Variants in TSNARE1 observed in about 807,000 individuals in gnomAD.
TSNARE1 encodes the protein t-SNARE domain-containing protein 1.
Under a neutral mutation model 62.0 loss-of-function variants are expected in TSNARE1, and 49 were observed. The ratio of observed to expected loss-of-function variants is 0.79; its 90% CI spans 0.63 to 1.00. The LOEUF (loss-of-function observed/expected upper bound fraction) is 1.00, where lower values mean the gene tolerates loss of function less well. TSNARE1 is among the 50% of genes least tolerant of loss of function. The pLI, the probability that TSNARE1 is intolerant of heterozygous loss-of-function variation, is 0.00. For missense variants in TSNARE1, 755 were observed against 700.1 expected (o/e 1.08, Z -0.88); for synonymous variants, 328 against 294.4 (o/e 1.11, Z -1.17).
At chr8:142,317,777 G>A (rs1181467184) in intron 7 of TSNARE1, among the ~76,000 whole-genome samples, 12 of 152,088 alleles carry the variant, frequency 7.9e-5, no homozygotes, top group Admixed American at 5.9e-4. Flanking sequence ...GAGCAACATG[G>A]TGAAACCCCA....
intron 12 of TSNARE1, among the ~76,000 whole-genome samples, chr8:142,260,500 G>A (rs1818805369): frequency 6.6e-6 from 1 of 152,166 alleles, no homozygotes; most frequent in Non-Finnish European, 1.5e-5. Context: ...GGCTGGGTGG[G>A]TTATCAGCTA....
rs1563797287 is a variant in TSNARE1, at chr8:142,271,603, G to A, written c.1446+3178C>T. 4.2e-6 allele frequency: 6 copies of A among 1,434,042 alleles called. No homozygotes were observed. The South Asian group carries it at 7.3e-5, about 17-fold the overall frequency. The allele number at this position is 1,434,042 out of a possible 1,614,324, so 88.8% of individuals were successfully genotyped here. A position where few individuals can be genotyped will look rare whatever the true frequency, so the allele number is the denominator to read the frequency against. ...TGGGTGCGTGGAAGACTCCTCGTAA[G>A]TCCAGGGGGTCAGGTTCAGGCAGGC... On this transcript the variant is annotated intron_variant, in intron 12 of 13. Transcript: ENST00000524325.
chr8:142,338,490 T>C (rs1447229039), intron 4 of TSNARE1, among the ~76,000 whole-genome samples: 7 of 150,244 alleles, frequency 4.7e-5, no homozygotes. Context: ...CCTGGACCAC[T>C]GGGCAAGCTG....
chr8:142,326,954 A>G (rs1563920313), intron 6 of TSNARE1, among the ~76,000 whole-genome samples: 1 of 152,336 alleles, frequency 6.6e-6, no homozygotes, highest in Non-Finnish European at 1.5e-5. Flanking sequence ...CACATCCAAA[A>G]GACATATAAC....
At chr8:142,281,676 A>G (rs10086550) in intron 11 of TSNARE1, among the ~76,000 whole-genome samples, 36,997 of 151,844 alleles carry the variant, frequency 0.24, 5,105 homozygotes, top group African/African-American at 0.37. Flanking sequence ...TCTCTAGGGA[A>G]GCCAAGGGCA....
intron 5 of TSNARE1, 71 bp from the exon 6 acceptor site, chr8:142,331,041 G>T: frequency 1.4e-6 from 2 of 1,427,306 alleles, no homozygotes; most frequent in Non-Finnish European, 9.8e-7. Flanking sequence ...CATATGGGTG[G>T]CCCCACTGCA....
At chr8:142,297,601 C>G (rs1316038219) in intron 10 of TSNARE1, among the ~76,000 whole-genome samples, 1 of 152,190 alleles carries the variant, frequency 6.6e-6, no homozygotes, top group African/African-American at 2.4e-5. Flanking sequence ...TACAGCCAGC[C>G]GAGGTGCGTA....
chr8:142,309,840 G>T (rs1827288405), intron 9 of TSNARE1, among the ~76,000 whole-genome samples: 1 of 152,040 alleles, frequency 6.6e-6, no homozygotes, highest in African/African-American at 2.4e-5. Context: ...GCTCAAATAT[G>T]GGACTGAATT....
intron 1 of TSNARE1, among the ~76,000 whole-genome samples, chr8:142,356,840 G>A (rs907980058): frequency 6.6e-6 from 1 of 152,056 alleles, no homozygotes; most frequent in Non-Finnish European, 1.5e-5. Flanking sequence ...TTTCAGGCTC[G>A]GGCAGTCTGG....
Position 142,330,910 on chromosome 8 carries a change from C to G in TSNARE1, c.884G>C (p.Arg295Pro). 1 of 1,614,104 alleles carries G rather than the reference C, an allele frequency of 6.2e-7. No homozygotes were observed. The highest frequency in any genetic ancestry group is 1.3e-5 in the African/African-American group (1 of 75,078). The change falls in exon 6 of 14, where the codon CGG becomes CCG. Residue 295 changes from arginine to proline, a missense_variant. Physicochemically the swap from Arg to Pro is moderately radical, Grantham distance 103. Coordinates refer to ENST00000524325, the MANE Select transcript of TSNARE1 (RefSeq NM_145003.5). ...TGGCCCACACACTCACAGGCTGTCCCGAAGCTCCTGCGTGTCACTCGGTGT... is the reference window on the plus strand; with the variant it reads ...TGGCCCACACACTCACAGGCTGTCCGGAAGCTCCTGCGTGTCACTCGGTGT... Reference protein sequence around the residue: ...LGTPSDTQELRDSLHTAQQET... With the variant: ...LGTPSDTQELPDSLHTAQQET...
intron 13 of TSNARE1, among the ~76,000 whole-genome samples, chr8:142,223,075 TAC>T (rs1816516582): frequency 3.3e-4 from 2 of 6,086 alleles, no homozygotes; most frequent in Non-Finnish European, 7.7e-4. Flanking sequence ...TACTCGCTCA[TAC>T]TCATTCACTC....
chr8:142,279,953 C>T (rs1456393718), intron 11 of TSNARE1: 19 of 1,109,674 alleles, frequency 1.7e-5, no homozygotes, highest in South Asian at 1.6e-4. Context: ...AGGAGGAGGC[C>T]GGGGGCGGGG....
intron 9 of TSNARE1, among the ~76,000 whole-genome samples, chr8:142,306,179 G>GA (rs1826636416): frequency 6.6e-6 from 1 of 152,172 alleles, no homozygotes; most frequent in Non-Finnish European, 1.5e-5. Flanking sequence ...CATCAGGACG[G>GA]ACACGGCTGT....
At position 142,291,647 on chromosome 8, in the gene TSNARE1, C is replaced by T. The variant is rs933525463; in HGVS notation, c.1291-7162G>A. On this transcript the variant is annotated intron_variant, in intron 10 of 13. Transcript: ENST00000524325. This position sits in a 1 kb window ranked among gnomAD's most constrained non-coding sequence, Gnocchi z 4.8. Reference sequence around the variant, plus strand: ...CAGACGTGACGGGAACAGGCAACGCCGTTGCCTCCGCGGGCTTACGCTCGA... The same window carrying T: ...CAGACGTGACGGGAACAGGCAACGCTGTTGCCTCCGCGGGCTTACGCTCGA... Among the ~76,000 whole-genome samples the T allele has an allele frequency of 4.6e-5, 7 of 152,320 alleles. No individual in the cohort carries two copies. The highest frequency in any genetic ancestry group is 3.9e-4 in the East Asian group (2 of 5,156).
At chr8:142,261,244 GGA>G (rs1387797668) in intron 12 of TSNARE1, among the ~76,000 whole-genome samples, 1 of 123,330 alleles carries the variant, frequency 8.1e-6, no homozygotes, top group African/African-American at 3.1e-5. Flanking sequence ...AGGGAGAGAA[GGA>G]GAGAGGGAGG....
At chr8:142,323,070 T>C (rs1035427489) in intron 6 of TSNARE1, among the ~76,000 whole-genome samples, 15 of 151,466 alleles carry the variant, frequency 9.9e-5, no homozygotes, top group African/African-American at 3.6e-4. Flanking sequence ...AATACTGTTA[T>C]GAAAGGCCGG....
chr8:142,240,242 T>G (rs1439132072), intron 12 of TSNARE1, among the ~76,000 whole-genome samples: 3 of 152,276 alleles, frequency 2.0e-5, no homozygotes, highest in Admixed American at 1.3e-4. Flanking sequence ...AAAAGCATTA[T>G]GTGGCATCAG....
At chr8:142,256,630 C>T (rs1818599463) in intron 12 of TSNARE1, among the ~76,000 whole-genome samples, 2 of 151,814 alleles carry the variant, frequency 1.3e-5, no homozygotes, top group African/African-American at 4.8e-5. Context: ...CCACCACCAC[C>T]ACAATCAGCA....
chr8:142,375,211 T>C (rs914060409), intron 1 of TSNARE1, among the ~76,000 whole-genome samples: 2 of 152,154 alleles, frequency 1.3e-5, no homozygotes, highest in African/African-American at 4.8e-5. Flanking sequence ...TGGGTGCCCG[T>C]GAGAATGGGG....
Sources: gnomAD v4.1 joint callset for allele counts (sites outside exome capture counted in the v4.1 genomes callset) on GRCh38, gnomAD v4.1.1 for gene constraint, Gnocchi (gnomAD v3.1) non-coding constraint, MANE v1.5 for transcripts, NCBI Gene and HGNC (gene_info 2026-07-23, HGNC 2026-07-21) for gene names.